The following DNAH6 variants were observed in gnomAD, a reference collection of about 807,000 sequenced individuals.
DNAH6 encodes axonemal beta dynein heavy chain 6.
A neutral mutation model predicts 491.4 loss-of-function variants in DNAH6; 340 were observed. The observed-to-expected ratio is 0.69, with a 90% CI of 0.63 to 0.76. The LOEUF (loss-of-function observed/expected upper bound fraction) is 0.76, where lower values mean the gene tolerates loss of function less well. Among genes scored for constraint, DNAH6 ranks in the 30% least tolerant of loss-of-function variants. DNAH6 has a pLI of 0.00. For missense variants in DNAH6, 4,443 were observed against 4,972.2 expected (o/e 0.89, Z 3.20); for synonymous variants, 1,603 against 1,686.1 (o/e 0.95, Z 1.21).
chr2:84,511,009 T>C, the DNAH6 span, among the ~76,000 whole-genome samples: 82 of 152,318 alleles, frequency 5.4e-4, 1 homozygote, highest in Admixed American at 4.9e-3. Context: ...CCAGTTGGGC[T>C]ACTCGGGGGT....
At chr2:84,669,563 G>T in intron 38 of DNAH6, 53 bp downstream of exon 38, 1 of 1,426,488 alleles carries the variant, frequency 7.0e-7, no homozygotes, top group South Asian at 1.2e-5. Context: ...GGGCATGATG[G>T]ACTTAGAATC....
At chr2:84,754,501 G>A (rs1301897613) in intron 63 of DNAH6, among the ~76,000 whole-genome samples, 1 of 152,184 alleles carries the variant, frequency 6.6e-6, no homozygotes, top group Non-Finnish European at 1.5e-5. Flanking sequence ...TCTTTTGCAT[G>A]TTGCTACCAG....
At chr2:84,602,607 T>C (rs966337853) in intron 18 of DNAH6, among the ~76,000 whole-genome samples, 2 of 151,262 alleles carry the variant, frequency 1.3e-5, no homozygotes, top group Non-Finnish European at 3.0e-5. Flanking sequence ...TGTTCAAATT[T>C]ATTTTGCTTG....
chr2:84,517,925 AC>A lies in DNAH6; in HGVS notation c.100del (p.Gln34LysfsTer3). 3.9e-6 allele frequency: 6 copies of A among 1,551,860 alleles called. No individual in the cohort carries two copies. Among genetic ancestry groups the A allele is most frequent in the Non-Finnish European group, 5.2e-6 (6 of 1,147,016 alleles). ...CAAGACTGAATAATATAAAAGCCAA[AC>A]AAAGAGTGAGTTATGTGACATCCAC... ...LSRLNNIKAK[Q>X]RVSYVTSTEN... is the part of the protein sequence containing the mutation. On this transcript the variant is annotated frameshift_variant, in exon 2 of 77. Coordinates refer to ENST00000389394, the MANE Select transcript of DNAH6 (RefSeq NM_001370.2). LOFTEE classifies it high-confidence loss of function.
At chr2:84,790,522 C>T (rs953198414) in intron 68 of DNAH6, among the ~76,000 whole-genome samples, 5 of 152,080 alleles carry the variant, frequency 3.3e-5, no homozygotes, top group African/African-American at 1.2e-4. Context: ...ATATAAAGAC[C>T]TCTTACAACT....
chr2:84,797,390 G>C, intron 69 of DNAH6, 147 bp from the exon 70 acceptor site: 1 of 697,278 alleles, frequency 1.4e-6, no homozygotes, highest in Non-Finnish European at 2.3e-6. Flanking sequence ...AGCAATGAAA[G>C]CATGAAAGCT....
intron 71 of DNAH6, among the ~76,000 whole-genome samples, chr2:84,808,131 A>ATGTGTGTGTG (rs35839006): frequency 1.3e-4 from 18 of 141,258 alleles, no homozygotes; most frequent in African/African-American, 5.1e-4. Context: ...GTGTATATAT[A>ATGTGTGTGTG]TGTGTGTGTG....
Position 84,765,942 on chromosome 2 carries a change from G to A in DNAH6, c.10703+2997G>A, listed in dbSNP as rs534563910. Among the ~76,000 whole-genome samples the A allele has an allele frequency of 2.6e-5, 4 of 152,156 alleles. No individual in the cohort carries two copies. The South Asian group carries it at 6.2e-4, about 24-fold the overall frequency. On this transcript the variant is annotated intron_variant, in intron 64 of 76. Coordinates refer to ENST00000389394, the MANE Select transcript of DNAH6 (RefSeq NM_001370.2). Reference sequence around the variant, plus strand: ...CAGTTCCAATGTATATCACAAAACAGCGTTTGAAGCAAAAGATTTTATTAA... The same window carrying A: ...CAGTTCCAATGTATATCACAAAACAACGTTTGAAGCAAAAGATTTTATTAA...
At chr2:84,648,329 G>C (rs554877116) in intron 33 of DNAH6, among the ~76,000 whole-genome samples, 1 of 152,312 alleles carries the variant, frequency 6.6e-6, no homozygotes, top group African/African-American at 2.4e-5. Context: ...GTAGCCCATG[G>C]ATCAAGGAGT....
At chr2:84,599,201 G>T (rs916307881) in intron 18 of DNAH6, among the ~76,000 whole-genome samples, 1 of 151,318 alleles carries the variant, frequency 6.6e-6, no homozygotes, top group Middle Eastern at 3.4e-3. Flanking sequence ...TGAGTTTTAA[G>T]AGTTATTCAT....
Position 84,819,481 on chromosome 2 carries a change from A to G in DNAH6, c.*73A>G. ...CTAATGGGAGCAAAAGGTTTGAATAATTTATATGTGAGCAAAACGGTGTTA... is the reference window on the plus strand; with the variant it reads ...CTAATGGGAGCAAAAGGTTTGAATAGTTTATATGTGAGCAAAACGGTGTTA... On this transcript the variant is annotated 3_prime_UTR_variant, in exon 77 of 77. Coordinates refer to ENST00000389394, the MANE Select transcript of DNAH6 (RefSeq NM_001370.2). 1.0e-6 allele frequency: 1 copy of G among 962,618 alleles called. No homozygotes were observed. Among genetic ancestry groups the G allele is most frequent in the Non-Finnish European group, 1.6e-6 (1 of 642,624 alleles). 59.6% of individuals were successfully genotyped at this position (962,618 alleles called of 1,614,324 possible). A position where few individuals can be genotyped will look rare whatever the true frequency, so the allele number is the denominator to read the frequency against.
the DNAH6 span, among the ~76,000 whole-genome samples, chr2:84,506,311 TG>T: frequency 6.6e-6 from 1 of 152,352 alleles, no homozygotes; most frequent in East Asian, 1.9e-4. Context: ...ATTTCTCTGA[TG>T]GCCAGTGATG....
At chr2:84,810,463 A>AC (rs1024758794) in intron 72 of DNAH6, among the ~76,000 whole-genome samples, 1 of 152,194 alleles carries the variant, frequency 6.6e-6, no homozygotes, top group Non-Finnish European at 1.5e-5. Flanking sequence ...GGGACAGGTG[A>AC]CCTGCAGGGC....
chr2:84,699,616 A>C lies in DNAH6; in HGVS notation c.7700A>C (p.Lys2567Thr). The C allele has an allele frequency of 6.4e-7, 1 of 1,550,570 alleles. No homozygotes were observed. The highest frequency in any genetic ancestry group is 8.7e-7 in the Non-Finnish European group (1 of 1,146,720). ...CAGGTGTTTCAATACTTTATCAGCA[A>C]AGTGCGTCAGAAGCTGCACATTGTT... ...RDEVFQYFIS[K>T]VRQKLHIVLC... is the part of the protein sequence containing the mutation. Residue 2567 changes from lysine to threonine, a missense_variant, in exon 48 of 77, where the codon AAA becomes ACA. Coordinates refer to ENST00000389394, the MANE Select transcript of DNAH6 (RefSeq NM_001370.2).
intron 68 of DNAH6, among the ~76,000 whole-genome samples, chr2:84,793,790 A>C (rs1030346198): frequency 2.6e-5 from 4 of 152,220 alleles, no homozygotes; most frequent in Non-Finnish European, 5.9e-5. Context: ...CAAGACTGAC[A>C]AGAGTTACTC....
chr2:84,591,854 A>G (rs1375292781), intron 16 of DNAH6, among the ~76,000 whole-genome samples: 2 of 152,038 alleles, frequency 1.3e-5, no homozygotes, highest in East Asian at 3.8e-4. Flanking sequence ...CAACAGGGAG[A>G]GGATAGTCTC....
At chr2:84,710,465 C>G in intron 56 of DNAH6, 53 bp downstream of exon 56, 2 of 1,534,494 alleles carry the variant, frequency 1.3e-6, no homozygotes, top group South Asian at 2.4e-5. Context: ...CAAATCATAT[C>G]TGGAATCCTA....
At chr2:84,635,417 A>C (rs959414602) in intron 30 of DNAH6, among the ~76,000 whole-genome samples, 1 of 152,192 alleles carries the variant, frequency 6.6e-6, no homozygotes, top group African/African-American at 2.4e-5. Flanking sequence ...GACACCAAAA[A>C]TTATTAGACT....
At chr2:84,547,201 T>C (rs1678869587) in intron 5 of DNAH6, 67 bp from the exon 6 acceptor site, 1 of 1,344,820 alleles carries the variant, frequency 7.4e-7, no homozygotes. Flanking sequence ...TTCTTGCTTT[T>C]TGAATGTTCT....
Sources: gnomAD v4.1 joint callset for allele counts (sites outside exome capture counted in the v4.1 genomes callset) on GRCh38, gnomAD v4.1.1 for gene constraint, MANE v1.5 for transcripts, NCBI Gene and HGNC (gene_info 2026-07-23, HGNC 2026-07-21) for gene names.